MRAP: variants seen among roughly 807,000 people sequenced by gnomAD.
MRAP encodes the protein melanocortin-2 receptor accessory protein.
In MRAP, 8 loss-of-function variants were observed where a neutral mutation model predicts 8.7. The ratio of observed to expected loss-of-function variants is 0.92; its 90% CI spans 0.54 to 1.66. MRAP has a LOEUF of 1.66. Among genes scored for constraint, MRAP ranks in the 40% most tolerant of loss-of-function variants. The pLI, the probability that MRAP is intolerant of heterozygous loss-of-function variation, is 0.00. For missense variants in MRAP, 237 were observed against 217.1 expected (o/e 1.09, Z -0.58); for synonymous variants, 95 against 95.5 (o/e 1.00, Z 0.03).
At chr21:32,300,719 G>GGGGCGTCATGCGTCCTGTCA (rs1569026481) in intron 1 of MRAP, among the ~76,000 whole-genome samples, 1 of 21,352 alleles carries the variant, frequency 4.7e-5, no homozygotes, top group African/African-American at 9.9e-5. Flanking sequence ...GTCCTATGTC[G>GGGGCGTCATGCGTCCTGTCA]GGGCGTCATT....
At chr21:32,293,533 C>T (rs1039540278) in intron 2 of MRAP, among the ~76,000 whole-genome samples, 4 of 152,120 alleles carry the variant, frequency 2.6e-5, no homozygotes, top group Non-Finnish European at 5.9e-5. Flanking sequence ...GAGGTCCCAC[C>T]ACCTGAGACC....
Position 32,312,066 on chromosome 21 carries a change from GTTC to G in MRAP, c.*76_*78del. 3.7e-6 allele frequency: 6 copies of G among 1,605,658 alleles called. No homozygotes were observed. Among genetic ancestry groups the G allele is most frequent in the South Asian group, 1.1e-5 (1 of 90,780 alleles). ...GCCAACCTGGACACATACGTTCCTC[GTTC>G]TTCTTAGAGGCCATTTGCATGTAGC... On this transcript the variant is annotated 3_prime_UTR_variant, in exon 3 of 3. Coordinates refer to ENST00000303645, the MANE Select transcript of MRAP (RefSeq NM_001379228.1).
rs988142407 is a variant in MRAP at position 32,311,534 on chromosome 21, G to A, written c.207-150G>A. 6.1e-6 allele frequency: 7 copies of A among 1,143,166 alleles called. No individual in the cohort carries two copies. The African/African-American group carries it at 1.1e-4, about 18-fold the overall frequency. 70.8% of individuals were successfully genotyped at this position (1,143,166 alleles called of 1,614,324 possible). On this transcript the variant is annotated intron_variant, in intron 2 of 2. Coordinates refer to ENST00000303645, the MANE Select transcript of MRAP (RefSeq NM_001379228.1). ...TTCTCTAGAATGGCCACCTTTGTGA[G>A]CTGGCTGACCCTTCTCAGGAATTTG...
At chr21:32,300,560 A>C (rs1325834086) in intron 1 of MRAP, among the ~76,000 whole-genome samples, 2 of 144,722 alleles carry the variant, frequency 1.4e-5, no homozygotes, top group Non-Finnish European at 3.0e-5. Flanking sequence ...GTCCTATGTC[A>C]GATGTTTCAC....
chr21:32,314,194 T>C (rs2032640154), downstream of MRAP: 2 of 193,858 alleles, frequency 1.0e-5, no homozygotes, highest in Admixed American at 5.4e-5. Context: ...TTTATTTTTT[T>C]ATTTTTTTGA....
chr21:32,305,924 C>T (rs2032404664), intron 1 of MRAP, among the ~76,000 whole-genome samples: 1 of 152,136 alleles, frequency 6.6e-6, no homozygotes, highest in Admixed American at 6.5e-5. Flanking sequence ...ACCCAGGGCC[C>T]CAGGGGGGCT....
chr21:32,314,751 G>A, downstream of MRAP: 5 of 1,434,598 alleles, frequency 3.5e-6, no homozygotes, highest in Non-Finnish European at 4.8e-6. Context: ...TTACTGGGCA[G>A]TTCAATAAAG....
At chr21:32,307,626 T>C (rs1203701679) in intron 2 of MRAP, among the ~76,000 whole-genome samples, 3 of 149,542 alleles carry the variant, frequency 2.0e-5, no homozygotes, top group East Asian at 3.9e-4. Context: ...GCCCAGTAGC[T>C]CACACCTGCT....
In MRAP at chr21:32,306,361, TG is replaced by T. The variant is rs942956158; in HGVS notation, c.107-272del. Reference sequence around the variant, plus strand: ...GAGCCGGGCAAGCAGATGCATGGGGTGGGGGGGCACACAATTCCATTCAGTG... The same window carrying T: ...GAGCCGGGCAAGCAGATGCATGGGGTGGGGGGCACACAATTCCATTCAGTG... On this transcript the variant is annotated intron_variant, in intron 1 of 2. Transcript: ENST00000303645. 7.9e-5 allele frequency: 35 copies of T among 445,118 alleles called. 1 individual carries two copies. Among genetic ancestry groups the T allele is most frequent in the South Asian group, 4.6e-4 (23 of 49,682 alleles). 27.6% of individuals were successfully genotyped at this position (445,118 alleles called of 1,614,324 possible). A position where few individuals can be genotyped will look rare whatever the true frequency, so the allele number is the denominator to read the frequency against.
At chr21:32,306,873 T>G in intron 2 of MRAP, 134 bp downstream of exon 2, 1 of 767,922 alleles carries the variant, frequency 1.3e-6, no homozygotes, top group Admixed American at 2.0e-5. Context: ...AATATTTGCA[T>G]TGTACCTACC....
intron 1 of MRAP, among the ~76,000 whole-genome samples, chr21:32,299,643 TA>T (rs2032212727): frequency 6.6e-6 from 1 of 152,214 alleles, no homozygotes; most frequent in African/African-American, 2.4e-5. Flanking sequence ...AATATTCTTT[TA>T]AAGATAGATT....
chr21:32,301,019 A>G (rs1280233960), intron 1 of MRAP, among the ~76,000 whole-genome samples: 1 of 151,890 alleles, frequency 6.6e-6, no homozygotes, highest in Non-Finnish European at 1.5e-5. Flanking sequence ...TATATCGCAT[A>G]TGTATCAGAT....
intron 1 of MRAP, 79 bp from the exon 2 acceptor site, chr21:32,306,561 C>A: frequency 8.4e-7 from 1 of 1,186,410 alleles, no homozygotes; most frequent in Non-Finnish European, 1.3e-6. Context: ...TCCACAATAC[C>A]CTGGGACTCC....
Position 32,311,928 on chromosome 21 carries a change from G to C in MRAP, c.451G>C (p.Gly151Arg). The C allele has an allele frequency of 1.2e-6, 2 of 1,613,720 alleles. No individual in the cohort carries two copies. The highest frequency in any genetic ancestry group is 1.7e-6 in the Non-Finnish European group (2 of 1,180,050). ...CCTCTGGGAACTGACCCTCAATGGGGGTCCCCTCGTCAGGAGCAAGCCCAG... is the reference window on the plus strand; with the variant it reads ...CCTCTGGGAACTGACCCTCAATGGGCGTCCCCTCGTCAGGAGCAAGCCCAG... Reference protein sequence around the residue: ...TLLWELTLNGGPLVRSKPSEP... With the variant: ...TLLWELTLNGRPLVRSKPSEP... Residue 151 changes from glycine (G) to arginine (R), a missense_variant, in exon 3 of 3, where the codon GGT becomes CGT. Transcript: ENST00000303645.
chr21:32,304,965 G>GTTTTTTTTTTTTTTTTTTTT (rs537525538), intron 1 of MRAP, among the ~76,000 whole-genome samples: 14 of 78,122 alleles, frequency 1.8e-4, no homozygotes, highest in South Asian at 4.8e-4. Context: ...TTTTTTTGTT[G>GTTTTTTTTTTTTTTTTTTTT]TTTTTTTTTT....
At chr21:32,314,333 C>T (rs1159563852), downstream of MRAP, 64 of 455,902 alleles carry the variant, frequency 1.4e-4, no homozygotes, top group Non-Finnish European at 1.7e-4. Flanking sequence ...TACAGGTGTG[C>T]GCTACCATGC....
At chr21:32,311,166 A>G (rs1222284432) in intron 2 of MRAP, 4 of 155,706 alleles carry the variant, frequency 2.6e-5, no homozygotes, top group African/African-American at 9.7e-5. Flanking sequence ...CCCTTTATAA[A>G]ACCATCAGAT....
rs142897309 is a variant in MRAP, at chr21:32,311,985, T to A, written c.508T>A (p.Leu170Met). Residue 170 changes from leucine (L) to methionine (M), a missense_variant, in exon 3 of 3, where the codon TTG (leucine) becomes ATG (methionine). Transcript: ENST00000303645. The part of the protein sequence containing the change: ...EPPPGDRTSQ[L>M]QS ...TCCCCCTGGAGACAGGACCTCTCAA[T>A]TGCAGAGCTGATGTCAGTAAATCGT... 2.3e-4 allele frequency: 376 copies of A among 1,613,258 alleles called. 3 individuals carry two copies. The African/African-American group carries it at 3.5e-3, about 15-fold the overall frequency.
At chr21:32,300,442 CTATGTCAGATGTTTCACACGTCT>C (rs1261067551) in intron 1 of MRAP, among the ~76,000 whole-genome samples, 2 of 150,126 alleles carry the variant, frequency 1.3e-5, no homozygotes, top group African/African-American at 4.9e-5. Flanking sequence ...GTCATGCGTC[CTATGTCAGATGTTTCACACGTCT>C]TATGTCAGGG....
Sources: gnomAD v4.1 joint callset for allele counts (sites outside exome capture counted in the v4.1 genomes callset) on GRCh38, gnomAD v4.1.1 for gene constraint, MANE v1.5 for transcripts, NCBI Gene and HGNC (gene_info 2026-07-23, HGNC 2026-07-21) for gene names.